The following CPNE2 variants were observed in gnomAD, a reference collection of about 807,000 sequenced individuals.
CPNE2 encodes the protein copine 2.
A neutral mutation model predicts 69.7 loss-of-function variants in CPNE2; 42 were observed. The ratio of observed to expected loss-of-function variants is 0.60; its 90% CI spans 0.47 to 0.78. CPNE2 has a LOEUF of 0.78. Ranked by LOEUF, CPNE2 falls within the 30% of genes least tolerant of loss-of-function variation. CPNE2 has a pLI of 0.00. For missense variants in CPNE2, 587 were observed against 732.0 expected (o/e 0.80, Z 2.29); for synonymous variants, 294 against 289.8 (o/e 1.01, Z -0.15).
intron 14 of CPNE2, among the ~76,000 whole-genome samples, chr16:57,145,308 CA>C (rs2145288193): frequency 6.6e-6 from 1 of 152,310 alleles, no homozygotes; most frequent in African/African-American, 2.4e-5. Context: ...GTGAAAGACA[CA>C]GTAGTACCAA....
At chr16:57,107,403 T>C (rs2069654678) in intron 1 of CPNE2, among the ~76,000 whole-genome samples, 1 of 152,212 alleles carries the variant, frequency 6.6e-6, no homozygotes, top group African/African-American at 2.4e-5. Flanking sequence ...CGGGGAACAC[T>C]GGATCTGGAG....
chr16:57,103,900 A>C (rs1400062155), intron 1 of CPNE2, among the ~76,000 whole-genome samples: 1 of 151,594 alleles, frequency 6.6e-6, no homozygotes, highest in South Asian at 2.1e-4. Context: ...CTAGGAAAGC[A>C]CTCTTTTTTG....
At chr16:57,117,607 G>T in intron 5 of CPNE2, 40 bp downstream of exon 5, 1 of 1,600,882 alleles carries the variant, frequency 6.2e-7, no homozygotes, top group Non-Finnish European at 8.5e-7. Flanking sequence ...GGGAACAGTA[G>T]CCCCCACCAG....
intron 1 of CPNE2, among the ~76,000 whole-genome samples, chr16:57,110,117 A>G (rs558864400): frequency 1.3e-5 from 2 of 152,218 alleles, no homozygotes; most frequent in Non-Finnish European, 2.9e-5. Context: ...AGCAACACAC[A>G]AGGAGCTGTG....
At chr16:57,129,444 G>A (rs190747874) in intron 12 of CPNE2, among the ~76,000 whole-genome samples, 2 of 152,292 alleles carry the variant, frequency 1.3e-5, no homozygotes, top group Admixed American at 1.3e-4. Flanking sequence ...TGAGGCGGGG[G>A]TGGTGCTGCT....
intron 14 of CPNE2, among the ~76,000 whole-genome samples, chr16:57,139,906 A>G (rs1219032617): frequency 6.6e-6 from 1 of 152,126 alleles, no homozygotes; most frequent in Non-Finnish European, 1.5e-5. Context: ...AGGATCAATC[A>G]GGAGGAGGTA....
chr16:57,123,160 A>G (rs2069775199), intron 9 of CPNE2: 1 of 533,066 alleles, frequency 1.9e-6, no homozygotes, highest in Non-Finnish European at 3.4e-6. Context: ...GGGCCCTGGC[A>G]CCCTGCCTGG....
chr16:57,101,657 T>C (rs2069614413), intron 1 of CPNE2, among the ~76,000 whole-genome samples: 1 of 152,202 alleles, frequency 6.6e-6, no homozygotes, highest in African/African-American at 2.4e-5. Flanking sequence ...GGTGGCCACA[T>C]TGCAACTTCT....
intron 1 of CPNE2, among the ~76,000 whole-genome samples, chr16:57,097,522 C>A (rs1350001409): frequency 6.6e-6 from 1 of 152,214 alleles, no homozygotes; most frequent in African/African-American, 2.4e-5. Flanking sequence ...TTAAGAACAT[C>A]ATGAAGAAAG....
chr16:57,140,688 CTGAG>C (rs2069915237), intron 14 of CPNE2, among the ~76,000 whole-genome samples: 1 of 152,006 alleles, frequency 6.6e-6, no homozygotes, highest in Non-Finnish European at 1.5e-5. Context: ...ACTCAACCTC[CTGAG>C]TAGCTGGGAT....
chr16:57,133,207 G>A (rs1302953319), intron 12 of CPNE2, among the ~76,000 whole-genome samples: 1 of 152,194 alleles, frequency 6.6e-6, no homozygotes, highest in East Asian at 1.9e-4. Context: ...TGGGGACAGG[G>A]TGAAGTGGGC....
Position 57,102,284 on chromosome 16 carries a change from G to A in CPNE2, c.-35-8424G>A, listed in dbSNP as rs144465176. Among the ~76,000 whole-genome samples the A allele has an allele frequency of 9.9e-3, 1,511 of 152,210 alleles. 29 individuals are homozygous for A. Among genetic ancestry groups the A allele is most frequent in the African/African-American group, 0.035 (1,447 of 41,540 alleles). ...TTTCTAGCAGGCTCCGGGGAGATGCGTAGGTGACCCATCTGGAAACCACAC... is the reference window on the plus strand; with the variant it reads ...TTTCTAGCAGGCTCCGGGGAGATGCATAGGTGACCCATCTGGAAACCACAC... On this transcript the variant is annotated intron_variant, in intron 1 of 15. Transcript: ENST00000290776.
intron 1 of CPNE2, among the ~76,000 whole-genome samples, chr16:57,104,946 G>C (rs2069639025): frequency 6.6e-6 from 1 of 152,218 alleles, no homozygotes; most frequent in African/African-American, 2.4e-5. Context: ...GTGGCAGGAA[G>C]TGGGGACAGG....
intron 1 of CPNE2, among the ~76,000 whole-genome samples, chr16:57,096,752 A>G (rs973165513): frequency 2.6e-5 from 4 of 151,616 alleles, no homozygotes; most frequent in Non-Finnish European, 4.4e-5. Context: ...GAGGGATTGC[A>G]GGAGTTGTCT....
chr16:57,121,649 T>C lies in CPNE2; in HGVS notation c.781-25T>C, dbSNP rs572213560. 687 of 1,610,190 alleles carry C rather than the reference T, an allele frequency of 4.3e-4. 15 individuals carry two copies. The South Asian group carries it at 7.2e-3, about 17-fold the overall frequency. On this transcript the variant is annotated intron_variant, in intron 8 of 15. Coordinates refer to ENST00000290776, the MANE Select transcript of CPNE2 (RefSeq NM_152727.6). Reference sequence around the variant, plus strand: ...GTTTCCAAAGAAGCCCCGAGGTGAGTGTCTCTTTCTTTTGCGTTGCCCAGC... The same window carrying C: ...GTTTCCAAAGAAGCCCCGAGGTGAGCGTCTCTTTCTTTTGCGTTGCCCAGC...
chr16:57,117,964 C>T (rs1234468759), intron 5 of CPNE2, among the ~76,000 whole-genome samples: 1 of 152,058 alleles, frequency 6.6e-6, no homozygotes, highest in African/African-American at 2.4e-5. Context: ...GAGGCACTCT[C>T]CTCCCTCAGG....
intron 14 of CPNE2, among the ~76,000 whole-genome samples, chr16:57,145,418 G>A (rs2069949872): frequency 6.6e-6 from 1 of 152,220 alleles, no homozygotes. Context: ...GCTCAGTGCT[G>A]TGTTTGGGAT....
intron 1 of CPNE2, among the ~76,000 whole-genome samples, chr16:57,100,125 G>A (rs942406127): frequency 2.6e-5 from 4 of 151,936 alleles, no homozygotes; most frequent in East Asian, 1.9e-4. Flanking sequence ...GCTGGGTCTC[G>A]AACTCCTGAC....
chr16:57,135,444 G>A (rs2069872153), intron 13 of CPNE2, among the ~76,000 whole-genome samples: 1 of 152,226 alleles, frequency 6.6e-6, no homozygotes, highest in African/African-American at 2.4e-5. Context: ...TGAGGCAAGA[G>A]GAGCACTTGA....
Sources: allele counts gnomAD v4.1 joint callset (sites outside exome capture counted in the v4.1 genomes callset), GRCh38; gene constraint gnomAD v4.1.1; transcripts MANE v1.5; gene names NCBI Gene and HGNC (gene_info 2026-07-23, HGNC 2026-07-21).